The following SAMD3 variants were observed in gnomAD, a reference collection of about 807,000 sequenced individuals.
The protein encoded by SAMD3 is sterile alpha motif domain-containing protein 3.
A neutral mutation model predicts 58.5 loss-of-function variants in SAMD3; 63 were observed. The ratio of observed to expected loss-of-function variants is 1.08; its 90% CI spans 0.88 to 1.33. The LOEUF (loss-of-function observed/expected upper bound fraction) is 1.33. Ranked by LOEUF, SAMD3 falls within the 40% of genes most tolerant of loss-of-function variation. The pLI is 0.00. For synonymous variants in SAMD3, 220 were observed against 210.3 expected, an observed-to-expected ratio of 1.05 and a Z score of -0.40; for missense variants, 604 against 608.4, an observed-to-expected ratio of 0.99 and a Z score of 0.08.
chr6:130,156,425 A>T (rs555593874), intron 8 of SAMD3, among the ~76,000 whole-genome samples: 1 of 152,318 alleles, frequency 6.6e-6, no homozygotes, highest in Non-Finnish European at 1.5e-5. Flanking sequence ...AGAAAGGAAA[A>T]GTGCAGTCAC....
At chr6:130,260,705 G>A (rs1417631965) in intron 2 of SAMD3, among the ~76,000 whole-genome samples, 1 of 152,232 alleles carries the variant, frequency 6.6e-6, no homozygotes, top group Admixed American at 6.5e-5. Context: ...CATCCCTGCA[G>A]GGGACTCCAA....
intron 1 of SAMD3, among the ~76,000 whole-genome samples, chr6:130,343,212 G>A (rs1348365378): frequency 6.6e-6 from 1 of 151,734 alleles, no homozygotes; most frequent in African/African-American, 2.4e-5. Flanking sequence ...TGAAAGCTCG[G>A]ACATTCTCCC....
At chr6:130,245,297 T>C (rs1773503461) in intron 2 of SAMD3, among the ~76,000 whole-genome samples, 1 of 152,220 alleles carries the variant, frequency 6.6e-6, no homozygotes, top group African/African-American at 2.4e-5. Context: ...ACTCTTAGCT[T>C]TGGAAAGGAA....
At chr6:130,193,470 C>CCAA (rs1793763434) in intron 5 of SAMD3, among the ~76,000 whole-genome samples, 1 of 152,028 alleles carries the variant, frequency 6.6e-6, no homozygotes, top group African/African-American at 2.4e-5. Flanking sequence ...TCTCTGTGCC[C>CCAA]CAACCCCTTA....
intron 1 of SAMD3, among the ~76,000 whole-genome samples, chr6:130,329,066 T>C (rs778493216): frequency 5.4e-5 from 8 of 147,566 alleles, no homozygotes; most frequent in Non-Finnish European, 9.0e-5. Flanking sequence ...CTCTCTCTCT[T>C]ATCTATCACC....
chr6:130,224,616 A>T, upstream of SAMD3, among the ~76,000 whole-genome samples: 1 of 136,012 alleles, frequency 7.4e-6, no homozygotes, highest in African/African-American at 3.4e-5. Flanking sequence ...TATTATTATT[A>T]TTATTATTAT....
intron 2 of SAMD3, among the ~76,000 whole-genome samples, chr6:130,274,752 C>CTTTTTTT (rs202123647): frequency 7.6e-5 from 11 of 145,226 alleles, no homozygotes; most frequent in African/African-American, 2.5e-4. Context: ...GCCTAAATAT[C>CTTTTTTT]TTTTTTTTTT....
At chr6:130,154,718 A>AT (rs1481440403) in intron 9 of SAMD3, 107 bp downstream of exon 9, 16 of 72,498 alleles carry the variant, frequency 2.2e-4, no homozygotes, top group South Asian at 2.2e-3. Flanking sequence ...AAAAAAAAAA[A>AT]ATATATATAT....
chr6:130,299,443 A>C (rs915152176), intron 2 of SAMD3, among the ~76,000 whole-genome samples: 1 of 152,162 alleles, frequency 6.6e-6, no homozygotes, highest in South Asian at 2.1e-4. Context: ...CAACACACCA[A>C]AATCTCTGGG....
At chr6:130,205,961 G>A (rs961639537) in intron 5 of SAMD3, among the ~76,000 whole-genome samples, 20 of 152,308 alleles carry the variant, frequency 1.3e-4, no homozygotes, top group Admixed American at 5.2e-4. Flanking sequence ...CAGAGGGGCA[G>A]GAGAAAGGGA....
At chr6:130,223,901 C>T (rs1055197829), upstream of SAMD3, among the ~76,000 whole-genome samples, 4 of 152,156 alleles carry the variant, frequency 2.6e-5, no homozygotes, top group Non-Finnish European at 5.9e-5. Context: ...TCAATTAGAT[C>T]CTCTGCCTTA....
chr6:130,272,865 G>T (rs1774615698), intron 2 of SAMD3, among the ~76,000 whole-genome samples: 1 of 152,092 alleles, frequency 6.6e-6, no homozygotes, highest in South Asian at 2.1e-4. Flanking sequence ...TTTAACGATG[G>T]CCTACTCATT....
intron 2 of SAMD3, among the ~76,000 whole-genome samples, chr6:130,311,081 A>C (rs1231359171): frequency 6.6e-6 from 1 of 152,146 alleles, no homozygotes; most frequent in Non-Finnish European, 1.5e-5. Context: ...GCCCTGACAA[A>C]GAACCACACA....
At chr6:130,283,944 T>C (rs1241700182) in intron 2 of SAMD3, among the ~76,000 whole-genome samples, 1 of 152,170 alleles carries the variant, frequency 6.6e-6, no homozygotes, top group Non-Finnish European at 1.5e-5. Flanking sequence ...CAGGTTCCAG[T>C]GATTCTCCTT....
chr6:130,143,556 T>C (rs1056087303), downstream of SAMD3, among the ~76,000 whole-genome samples: 6 of 152,280 alleles, frequency 3.9e-5, no homozygotes, highest in East Asian at 1.9e-4. Context: ...CATGAGCCTT[T>C]CTTAAACTTA....
chr6:130,352,053 T>C (rs921463230), intron 1 of SAMD3, among the ~76,000 whole-genome samples: 2 of 109,414 alleles, frequency 1.8e-5, no homozygotes, highest in East Asian at 6.3e-4. Flanking sequence ...TCACACACCA[T>C]GGTCTGTTGT....
At chr6:130,289,968 G>T (rs1239940953) in intron 2 of SAMD3, among the ~76,000 whole-genome samples, 1 of 151,856 alleles carries the variant, frequency 6.6e-6, no homozygotes, top group Non-Finnish European at 1.5e-5. Flanking sequence ...ACGTACTAGA[G>T]CTTTGATTTG....
chr6:130,184,164 T>C lies in SAMD3; in HGVS notation c.593A>G (p.Asn198Ser). Residue 198 changes from asparagine to serine, a missense_variant, in exon 7 of 12, where the codon AAT becomes AGT. Physicochemically the swap from Asn to Ser is conservative, Grantham distance 46. Transcript: ENST00000439090. Reference protein sequence around the residue: ...GSLYPSTQQYNDVVNALLQAH... With the variant: ...GSLYPSTQQYSDVVNALLQAH... The stretch of plus-strand genomic sequence containing the variant: ...CTGCAGCAGGGCATTAACCACGTCA[T>C]TGTACTGCTGGGTGCTGGGGTACCT... 1 of 1,613,900 alleles carries C rather than the reference T, an allele frequency of 6.2e-7. No homozygotes were observed.
At position 130,175,919 on chromosome 6, in the gene SAMD3, T is replaced by C. The variant is rs1791680753; in HGVS notation, c.744A>G (p.Lys248=). The change falls in exon 8 of 12, where the codon AAA becomes AAG. Residue 248 remains lysine (K), a synonymous_variant. Transcript: ENST00000439090. ...TTGTCTGGCCTCTTCGGTGTCCAAA[T>C]TTACACTTATTTCTAATCACTTGCT... The part of the protein sequence containing the change: ...DDEQVIRNKC[K]FGHRRGQTRK... The C allele has an allele frequency of 1.2e-6, 2 of 1,613,202 alleles. No individual in the cohort carries two copies. The highest frequency in any genetic ancestry group is 1.7e-6 in the Non-Finnish European group (2 of 1,179,240).
Sources: gnomAD v4.1 joint callset for allele counts (sites outside exome capture counted in the v4.1 genomes callset) on GRCh38, gnomAD v4.1.1 for gene constraint, MANE v1.5 for transcripts, NCBI Gene and HGNC (gene_info 2026-07-23, HGNC 2026-07-21) for gene names.